SPACA3: variants seen among roughly 807,000 people sequenced by gnomAD.
The protein encoded by SPACA3 is sperm acrosome membrane-associated protein 3.
SPACA3 carries 21 observed loss-of-function variants against 24.5 expected under a neutral mutation model. That is an observed-to-expected ratio of 0.86 (90% CI 0.61 to 1.24). The LOEUF (loss-of-function observed/expected upper bound fraction) is 1.24, where lower values mean the gene tolerates loss of function less well. SPACA3 is among the 50% of genes most tolerant of loss of function. The pLI, the probability that SPACA3 is intolerant of heterozygous loss-of-function variation, is 0.00. For missense variants in SPACA3, 278 were observed against 275.5 expected, an observed-to-expected ratio of 1.01 and a Z score of -0.06; for synonymous variants, 115 against 106.9, an observed-to-expected ratio of 1.08 and a Z score of -0.47.
chr17:32,993,878 G>A (rs1229374389), intron 1 of SPACA3, among the ~76,000 whole-genome samples: 1 of 152,092 alleles, frequency 6.6e-6, no homozygotes, highest in Non-Finnish European at 1.5e-5. Context: ...GATGGAGCAA[G>A]GCTTGGTGAT....
At chr17:32,997,122 C>T (rs1249947297) in intron 3 of SPACA3, 121 bp downstream of exon 3, 4 of 1,195,232 alleles carry the variant, frequency 3.3e-6, no homozygotes, top group Non-Finnish European at 4.6e-6. Flanking sequence ...AGGCTGGGCC[C>T]ACGGAGGAGA....
In SPACA3 at chr17:32,997,496, C is replaced by T. The variant is rs745814116; in HGVS notation, c.554C>T (p.Thr185Ile). 1.1e-5 allele frequency: 17 copies of T among 1,614,080 alleles called. No individual in the cohort carries two copies. The highest frequency in any genetic ancestry group is 1.4e-5 in the Non-Finnish European group (16 of 1,179,998). ...KDTVICAMKI[T>I]QEPQGLGYWE... ...ACCGTTATCTGTGCCATGAAGATAA[C>T]CCAAGAGCCTCAGGGTCTGGGTTAC... Residue 185 changes from threonine to isoleucine, a missense_variant, in exon 4 of 5, where the codon ACC becomes ATC. By Grantham distance (89) the Thr-to-Ile change is moderately conservative. Coordinates refer to ENST00000269053, the MANE Select transcript of SPACA3 (RefSeq NM_173847.5).
intron 1 of SPACA3, 40 bp downstream of exon 1, chr17:32,992,012 G>T: frequency 6.2e-7 from 1 of 1,610,552 alleles, no homozygotes; most frequent in Non-Finnish European, 8.5e-7. Flanking sequence ...TGTTAACAGG[G>T]GCGCTGGGTT....
chr17:32,995,541 G>T lies in SPACA3; in HGVS notation c.167G>T (p.Arg56Met). 6.2e-7 allele frequency: 1 copy of T among 1,614,244 alleles called. No homozygotes were observed. The highest frequency in any genetic ancestry group is 8.5e-7 in the Non-Finnish European group (1 of 1,180,044). ...GSTSAAGIEA[R>M]SRALRRRWCP... ...ACCTCTGCCGCCGGCATAGAAGCCA[G>T]GAGCAGGGCTCTCAGAAGGCGGTGG... Residue 56 changes from arginine to methionine, a missense_variant, in exon 2 of 5, where the codon AGG becomes ATG. Physicochemically the swap from Arg to Met is moderately conservative, Grantham distance 91. Transcript: ENST00000269053.
In SPACA3 at chr17:32,991,889, C is replaced by A. The variant is rs752030191; in HGVS notation, c.-50C>A. ...GCCCTGGCAAGGTTGTGGGGGACAT[C>A]TTGAGCTGAAGCAGGGTTTTGAGCC... On this transcript the variant is annotated 5_prime_UTR_variant, in exon 1 of 5. Transcript: ENST00000269053. The A allele has an allele frequency of 6.2e-7, 1 of 1,613,554 alleles. No individual in the cohort carries two copies. Among genetic ancestry groups the A allele is most frequent in the Non-Finnish European group, 8.5e-7 (1 of 1,179,738 alleles).
At chr17:32,996,771 T>G (rs2091724740) in intron 2 of SPACA3, 72 bp from the exon 3 acceptor site, 1 of 1,395,676 alleles carries the variant, frequency 7.2e-7, no homozygotes, top group South Asian at 1.9e-5. Flanking sequence ...GCGTGGGACC[T>G]GTGCAGTGAG....
rs765703986 is a variant in SPACA3 at position 32,995,564 on chromosome 17, T to G, written c.190T>G (p.Trp64Gly). Reference protein sequence around the residue: ...EARSRALRRRWCPAGIMLLAL... With the variant: ...EARSRALRRRGCPAGIMLLAL... ...CAGGAGCAGGGCTCTCAGAAGGCGG[T>G]GGTGCCCAGCTGGGATCATGTTGTT... Residue 64 changes from tryptophan to glycine, a missense_variant, in exon 2 of 5, where the codon TGG becomes GGG. Trp to Gly is a radical substitution (Grantham distance 184, BLOSUM62 -2). Coordinates refer to ENST00000269053, the MANE Select transcript of SPACA3 (RefSeq NM_173847.5). 1.1e-5 allele frequency: 18 copies of G among 1,614,054 alleles called. No homozygotes were observed. Among genetic ancestry groups the G allele is most frequent in the Non-Finnish European group, 1.5e-5 (18 of 1,180,034 alleles).
At position 32,991,954 on chromosome 17, in the gene SPACA3, CG is replaced by C; in HGVS notation, c.20del (p.Gly7GlufsTer4). MVSAL[R>X]GAPLIRVHSS... is the part of the protein sequence containing the mutation. ...CATTGTCACCATGGTCTCAGCTCTG[CG>C]GGGAGCACCCCTGATCAGTGAGCCC... On this transcript the variant is annotated frameshift_variant, in exon 1 of 5. Transcript: ENST00000269053. LOFTEE classifies it high-confidence loss of function. The C allele has an allele frequency of 6.2e-7, 1 of 1,613,894 alleles. No individual in the cohort carries two copies. The highest frequency in any genetic ancestry group is 1.1e-5 in the South Asian group (1 of 91,060).
intron 3 of SPACA3, 30 bp from the exon 4 acceptor site, chr17:32,997,415 C>A: frequency 6.3e-7 from 1 of 1,596,470 alleles, no homozygotes; most frequent in Non-Finnish European, 8.6e-7. Context: ...CTCCTGTTCT[C>A]TCATTGTGTT....
At chr17:32,993,907 G>A (rs1458635530) in intron 1 of SPACA3, among the ~76,000 whole-genome samples, 1 of 152,054 alleles carries the variant, frequency 6.6e-6, no homozygotes, top group Non-Finnish European at 1.5e-5. Flanking sequence ...CAAATCTAGA[G>A]CTTAGAGGGA....
At chr17:32,996,488 CAAAA>C (rs71144856) in intron 2 of SPACA3, among the ~76,000 whole-genome samples, 11 of 103,604 alleles carry the variant, frequency 1.1e-4, no homozygotes, top group Admixed American at 2.0e-4. Context: ...GACTCCGTCT[CAAAA>C]AAAAAAAAAA....
In SPACA3 at chr17:32,995,677, C is replaced by T; in HGVS notation, c.303C>T (p.Asp101=). The change falls in exon 2 of 5, where the codon GAC becomes GAT. Residue 101 remains aspartate (D), a synonymous_variant. Transcript: ENST00000269053. The part of the protein sequence containing the change: ...GRCELARVLH[D]FGLDGYRGYS... ...GTGAACTGGCCAGAGTGCTACATGA[C>T]TTCGGGCTGGACGGATACCGGGGAT... 6.2e-7 allele frequency: 1 copy of T among 1,614,254 alleles called. No individual in the cohort carries two copies. Among genetic ancestry groups the T allele is most frequent in the Non-Finnish European group, 8.5e-7 (1 of 1,180,046 alleles).
intron 1 of SPACA3, among the ~76,000 whole-genome samples, chr17:32,994,264 C>T (rs73982365): frequency 0.011 from 1,603 of 152,254 alleles, 31 homozygotes; most frequent in African/African-American, 0.036. Flanking sequence ...CCAAGAGCTA[C>T]GCTGTGCCCA....
intron 1 of SPACA3, chr17:32,992,973 T>A (rs1370259668): frequency 2.1e-6 from 1 of 470,436 alleles, no homozygotes; most frequent in Admixed American, 2.4e-5. Flanking sequence ...TGAGACATGA[T>A]ACAAGAAGAC....
Position 32,997,719 on chromosome 17 carries a change from T to C in SPACA3, c.589T>C (p.Trp197Arg), listed in dbSNP as rs2091731903. 6.2e-7 allele frequency: 1 copy of C among 1,614,046 alleles called. No homozygotes were observed. Among genetic ancestry groups the C allele is most frequent in the South Asian group, 1.1e-5 (1 of 91,082 alleles). ...EPQGLGYWEA[W>R]RHHCQGKDLT... is the part of the protein sequence containing the mutation. ...CCTGTTCTCCATCCTCAGGGAGGCCTGGAGGCATCACTGCCAGGGAAAAGA... is the reference window on the plus strand; with the variant it reads ...CCTGTTCTCCATCCTCAGGGAGGCCCGGAGGCATCACTGCCAGGGAAAAGA... Residue 197 changes from tryptophan (W) to arginine (R), a missense_variant, in exon 5 of 5, where the codon TGG becomes CGG. By Grantham distance (101) the Trp-to-Arg change is moderately radical (BLOSUM62 -3). Transcript: ENST00000269053.
chr17:32,995,415 A>T lies in SPACA3; in HGVS notation c.41A>T (p.His14Leu). The change falls in exon 2 of 5, where the codon CAC becomes CTC. Residue 14 changes from histidine to leucine, a missense_variant. By Grantham distance (99) the His-to-Leu change is moderately conservative. Coordinates refer to ENST00000269053, the MANE Select transcript of SPACA3 (RefSeq NM_173847.5). ...CTCCTCTCCCCTTTCCCAGGGGTGC[A>T]CTCAAGCCCTGTTTCTTCTCCTTCT... ...ALRGAPLIRV[H>L]SSPVSSPSVS... The T allele has an allele frequency of 6.3e-7, 1 of 1,593,378 alleles. No individual in the cohort carries two copies. Among genetic ancestry groups the T allele is most frequent in the African/African-American group, 1.3e-5 (1 of 74,628 alleles).
At position 32,997,444 on chromosome 17, in the gene SPACA3, G is replaced by A; in HGVS notation, c.503-1G>A. 1 of 1,613,692 alleles carries A rather than the reference G, an allele frequency of 6.2e-7. No homozygotes were observed. On this transcript the variant is annotated splice_acceptor_variant, in intron 3 of 4. Coordinates refer to ENST00000269053, the MANE Select transcript of SPACA3 (RefSeq NM_173847.5). LOFTEE classifies it high-confidence loss of function. The stretch of plus-strand genomic sequence containing the variant: ...TTGTGTTTCTCTGCCTATCACCCCA[G>A]ATTTGTTGAATCCTAATCTCAAGGA...
Position 32,995,425 on chromosome 17 carries a change from T to C in SPACA3, c.51T>C (p.Pro17=). Residue 17 remains proline (P), a synonymous_variant, in exon 2 of 5, where the codon CCT becomes CCC. Coordinates refer to ENST00000269053, the MANE Select transcript of SPACA3 (RefSeq NM_173847.5). ...CTTTCCCAGGGGTGCACTCAAGCCC[T>C]GTTTCTTCTCCTTCTGTGAGTGGAC... ...GAPLIRVHSS[P]VSSPSVSGPR... is the part of the protein sequence containing the mutation. 1.2e-6 allele frequency: 2 copies of C among 1,603,598 alleles called. No individual in the cohort carries two copies. Among genetic ancestry groups the C allele is most frequent in the Non-Finnish European group, 1.7e-6 (2 of 1,173,804 alleles).
Position 32,995,416 on chromosome 17 carries a change from C to G in SPACA3, c.42C>G (p.His14Gln). 6.3e-7 allele frequency: 1 copy of G among 1,596,872 alleles called. No individual in the cohort carries two copies. Among genetic ancestry groups the G allele is most frequent in the Admixed American group, 1.7e-5 (1 of 59,184 alleles). Residue 14 changes from histidine to glutamine, a missense_variant, in exon 2 of 5, where the codon CAC becomes CAG. Transcript: ENST00000269053. ...ALRGAPLIRV[H>Q]SSPVSSPSVS... ...TCCTCTCCCCTTTCCCAGGGGTGCA[C>G]TCAAGCCCTGTTTCTTCTCCTTCTG...
Sources: gnomAD v4.1 joint callset for allele counts (sites outside exome capture counted in the v4.1 genomes callset) on GRCh38, gnomAD v4.1.1 for gene constraint, MANE v1.5 for transcripts, NCBI Gene and HGNC (gene_info 2026-07-23, HGNC 2026-07-21) for gene names.